Variants in DCC observed in about 807,000 individuals in gnomAD.
DCC encodes netrin receptor DCC.
In DCC, 58 loss-of-function variants were observed where a neutral mutation model predicts 172.5. The ratio of observed to expected loss-of-function variants is 0.34; its 90% confidence interval spans 0.27 to 0.42. The LOEUF (loss-of-function observed/expected upper bound fraction) is 0.42. DCC is among the 10% of genes least tolerant of loss of function. DCC has a pLI of 1.00. For synonymous variants in DCC, 709 were observed against 644.5 expected (o/e 1.10, Z -1.52); for missense variants, 1,740 against 1,791.0 (o/e 0.97, Z 0.51).
At position 52,646,922 on chromosome 18, in the gene DCC, A is replaced by G. The variant is rs537934767; in HGVS notation, c.92-105132A>G. On this transcript the variant is annotated intron_variant, in intron 1 of 28. Transcript: ENST00000442544. ...ACTTGGTCTTTTTGACGACCATCCT[A>G]AGTCTATTTAGGAGGCCCACTCCAA... Among the ~76,000 whole-genome samples, 4 of 152,280 alleles carry G rather than the reference A, an allele frequency of 2.6e-5. No homozygotes were observed. In the South Asian group the frequency reaches 8.3e-4, roughly 32 times the overall value.
At chr18:52,952,070 A>T (rs4147356) in intron 5 of DCC, among the ~76,000 whole-genome samples, 59,821 of 151,932 alleles carry the variant, frequency 0.39, 12,284 homozygotes, top group Non-Finnish European at 0.46. Context: ...TTTGAAAAAG[A>T]TCAATCTATA....
At chr18:53,309,867 T>C (rs950366422) in intron 13 of DCC, among the ~76,000 whole-genome samples, 1 of 150,908 alleles carries the variant, frequency 6.6e-6, no homozygotes, top group African/African-American at 2.4e-5. Flanking sequence ...AAACAAAATA[T>C]GAGCAGTTAT....
chr18:53,397,494 A>G (rs1909028137), intron 18 of DCC, 48 bp downstream of exon 18: 2 of 1,608,006 alleles, frequency 1.2e-6, no homozygotes, highest in Non-Finnish European at 1.7e-6. Context: ...GGTGTTTCCC[A>G]GGTTCTGTGG....
intron 12 of DCC, among the ~76,000 whole-genome samples, chr18:53,269,108 G>A (rs2056717432): frequency 6.6e-6 from 1 of 152,158 alleles, no homozygotes; most frequent in African/African-American, 2.4e-5. Flanking sequence ...GTGTGTGTGT[G>A]TGCATGCACG....
chr18:52,599,259 G>C (rs954630494), intron 1 of DCC, among the ~76,000 whole-genome samples: 3 of 152,052 alleles, frequency 2.0e-5, no homozygotes, highest in Admixed American at 6.6e-5. Context: ...TGTTGTGAGT[G>C]GTATAAATAA....
chr18:52,341,817 A>G (rs961486517), intron 1 of DCC, among the ~76,000 whole-genome samples: 3 of 152,194 alleles, frequency 2.0e-5, no homozygotes, highest in African/African-American at 2.4e-5. Context: ...GCAAGTGTAG[A>G]TGGGCACTGG....
At chr18:52,454,287 A>G (rs746922272) in intron 1 of DCC, among the ~76,000 whole-genome samples, 1 of 152,184 alleles carries the variant, frequency 6.6e-6, no homozygotes, top group Non-Finnish European at 1.5e-5. Context: ...CTGTGAAAGC[A>G]AAGTTTAAAA....
chr18:52,969,627 G>T (rs1276061527), intron 5 of DCC, among the ~76,000 whole-genome samples: 15 of 107,354 alleles, frequency 1.4e-4, no homozygotes, highest in African/African-American at 2.7e-4. Context: ...CTCTCTTTCT[G>T]TGACTCTCTG....
At chr18:53,023,162 T>C (rs1172813635) in intron 5 of DCC, among the ~76,000 whole-genome samples, 1 of 151,844 alleles carries the variant, frequency 6.6e-6, no homozygotes, top group African/African-American at 2.4e-5. Flanking sequence ...TACTTAACAG[T>C]ATAGAAGTAT....
intron 1 of DCC, among the ~76,000 whole-genome samples, chr18:52,649,301 A>G (rs2035079475): frequency 6.8e-6 from 1 of 146,886 alleles, no homozygotes; most frequent in South Asian, 2.3e-4. Context: ...TGAACCCGGG[A>G]GGCGGAGCTT....
At chr18:52,912,548 C>T (rs1199214711) in intron 3 of DCC, among the ~76,000 whole-genome samples, 2 of 151,998 alleles carry the variant, frequency 1.3e-5, no homozygotes, top group African/African-American at 4.8e-5. Context: ...TTCTTCCTCT[C>T]TAGTAACTTA....
chr18:53,451,875 G>C (rs1415634177), intron 23 of DCC, among the ~76,000 whole-genome samples: 1 of 152,092 alleles, frequency 6.6e-6, no homozygotes, highest in Admixed American at 6.5e-5. Flanking sequence ...AGTAACATGG[G>C]GTGTAGATGC....
rs112800123 is a variant in DCC at position 52,926,560 on chromosome 18, T to C, written c.985+1190T>C. ...AGTATCAAAATTCAGTAACACAAAA[T>C]GGTTATGATGGAAATTGTATTGTGC... On this transcript the variant is annotated intron_variant, in intron 5 of 28. Coordinates refer to ENST00000442544, the MANE Select transcript of DCC (RefSeq NM_005215.4). Among the ~76,000 whole-genome samples, 953 of 151,780 alleles carry C rather than the reference T, an allele frequency of 6.3e-3. 16 individuals are homozygous for C. Among genetic ancestry groups the C allele is most frequent in the African/African-American group, 0.022 (899 of 41,494 alleles).
At position 53,134,209 on chromosome 18, in the gene DCC, C is replaced by A. The variant is rs1039925053; in HGVS notation, c.1262-23147C>A. ...AACACTAGCATATGTGTTGACAAGG[C>A]AAAGGTATGTTAAATATCTTTCTGG... is the stretch of plus-strand genomic sequence containing the variant. On this transcript the variant is annotated intron_variant, in intron 7 of 28. Coordinates refer to ENST00000442544, the MANE Select transcript of DCC (RefSeq NM_005215.4). 2.0e-5 allele frequency among the ~76,000 whole-genome samples: 3 copies of A among 152,072 alleles called. No individual in the cohort carries two copies. In the South Asian group the frequency reaches 6.2e-4, roughly 32 times the overall value.
intron 1 of DCC, among the ~76,000 whole-genome samples, chr18:52,402,259 G>A (rs1332062427): frequency 1.3e-5 from 2 of 151,916 alleles, no homozygotes; most frequent in East Asian, 1.9e-4. Context: ...CTCTCTGATC[G>A]ATTTAAATGG....
chr18:53,312,340 CAAAAAAA>C (rs1218591102), intron 13 of DCC, among the ~76,000 whole-genome samples: 4 of 17,536 alleles, frequency 2.3e-4, no homozygotes, highest in Admixed American at 1.1e-3. Flanking sequence ...GACTCTGTCT[CAAAAAAA>C]AAAAAAAAAA....
intron 7 of DCC, among the ~76,000 whole-genome samples, chr18:53,067,751 C>T (rs894892772): frequency 6.6e-6 from 1 of 152,196 alleles, no homozygotes; most frequent in Non-Finnish European, 1.5e-5. Context: ...TATCATGTTA[C>T]ATACATTTCA....
At chr18:52,591,738 A>T (rs1175458146) in intron 1 of DCC, among the ~76,000 whole-genome samples, 1 of 148,070 alleles carries the variant, frequency 6.8e-6, no homozygotes, top group East Asian at 2.0e-4. Context: ...ACTCATCACC[A>T]TGCCTGGCTA....
chr18:53,028,058 T>A (rs1356703742), intron 5 of DCC, among the ~76,000 whole-genome samples: 2 of 152,148 alleles, frequency 1.3e-5, no homozygotes, highest in Admixed American at 6.6e-5. Flanking sequence ...GACAGGCATA[T>A]GGACATTTTT....
Sources: gnomAD v4.1 joint callset for allele counts (sites outside exome capture counted in the v4.1 genomes callset) on GRCh38, gnomAD v4.1.1 for gene constraint, MANE v1.5 for transcripts, NCBI Gene and HGNC (gene_info 2026-07-23, HGNC 2026-07-21) for gene names.